KLF8: variants seen among roughly 807,000 people sequenced by gnomAD.
KLF8 encodes Krueppel-like factor 8.
KLF8 carries 10 observed loss-of-function variants against 18.2 expected under a neutral mutation model. The observed-to-expected ratio is 0.55, with a 90% confidence interval of 0.34 to 0.93. The LOEUF (loss-of-function observed/expected upper bound fraction) is 0.93, where lower values mean the gene tolerates loss of function less well. KLF8 is among the 40% of genes least tolerant of loss of function. The pLI is 0.02. For missense variants in KLF8, 264 were observed against 277.9 expected (o/e 0.95, Z 0.36); for synonymous variants, 109 against 97.3 (o/e 1.12, Z -0.71).
the KLF8 span, among the ~76,000 whole-genome samples, chrX:56,077,127 C>G: frequency 1.9e-4 from 21 of 111,845 alleles, no homozygotes; most frequent in East Asian, 5.6e-3. Flanking sequence ...TTTGGCTGTG[C>G]AGAAGCTATT....
chrX:56,022,572 GA>G, the KLF8 span, among the ~76,000 whole-genome samples: 100 of 82,253 alleles, frequency 1.2e-3, 1 homozygote, highest in African/African-American at 5.6e-3. Context: ...AAAAAAAGAA[GA>G]AAAAAAAAAG....
chrX:56,265,105 T>C (rs936172679), intron 2 of KLF8, 75 bp from the exon 3 acceptor site: 1 of 1,072,814 alleles, frequency 9.3e-7, no homozygotes, highest in Non-Finnish European at 1.2e-6. Flanking sequence ...AGAGATTTCT[T>C]TTTTACATTG....
At chrX:56,083,324 T>A in the KLF8 span, among the ~76,000 whole-genome samples, 1 of 112,344 alleles carries the variant, frequency 8.9e-6, no homozygotes, top group Non-Finnish European at 1.9e-5. Flanking sequence ...CATTAACATG[T>A]ATCTCATAAA....
chrX:56,160,717 C>T, the KLF8 span, among the ~76,000 whole-genome samples: 1 of 111,055 alleles, frequency 9.0e-6, no homozygotes, highest in Non-Finnish European at 1.9e-5. Flanking sequence ...GCAACCCCTG[C>T]CTTTTTTTGT....
At chrX:56,070,474 A>G in the KLF8 span, among the ~76,000 whole-genome samples, 1 of 110,573 alleles carries the variant, frequency 9.0e-6, no homozygotes, top group African/African-American at 3.3e-5. Flanking sequence ...ATGAAATACT[A>G]TTCAGCCATC....
intron 2 of KLF8, among the ~76,000 whole-genome samples, chrX:56,253,413 C>T (rs2066740948): frequency 8.9e-6 from 1 of 112,010 alleles, no homozygotes; most frequent in Non-Finnish European, 1.9e-5. Context: ...GTTCTGGTTT[C>T]ATTTTTCTGC....
chrX:55,930,599 G>A, the KLF8 span, among the ~76,000 whole-genome samples: 1 of 112,068 alleles, frequency 8.9e-6, no homozygotes, highest in Non-Finnish European at 1.9e-5. Context: ...ATGAAGGGCT[G>A]TTGCATTTTA....
At chrX:56,004,739 A>G in the KLF8 span, among the ~76,000 whole-genome samples, 3 of 111,875 alleles carry the variant, frequency 2.7e-5, no homozygotes, top group East Asian at 2.8e-4. Flanking sequence ...TGAAATACAT[A>G]TAAACTAGGC....
At chrX:56,005,147 A>G in the KLF8 span, among the ~76,000 whole-genome samples, 3 of 109,817 alleles carry the variant, frequency 2.7e-5, no homozygotes, top group Non-Finnish European at 5.7e-5. Flanking sequence ...GGTTCAAGCA[A>G]TTCTCCTGCC....
At chrX:56,163,100 G>T in the KLF8 span, among the ~76,000 whole-genome samples, 8 of 111,781 alleles carry the variant, frequency 7.2e-5, no homozygotes, top group Admixed American at 1.9e-4. Context: ...ATTTCTTCAG[G>T]TATGTGCCCA....
chrX:56,173,660 A>T, the KLF8 span, among the ~76,000 whole-genome samples: 430 of 111,715 alleles, frequency 3.8e-3, no homozygotes, highest in African/African-American at 0.013. Flanking sequence ...CTTGATGGGG[A>T]TAGCATTGAA....
At chrX:56,123,263 A>G in the KLF8 span, among the ~76,000 whole-genome samples, 1 of 71,021 alleles carries the variant, frequency 1.4e-5, no homozygotes, top group Admixed American at 1.5e-4. Context: ...AAAAGAAAGA[A>G]AGAAAGAAAA....
chrX:55,923,525 C>T, the KLF8 span, among the ~76,000 whole-genome samples: 1 of 111,381 alleles, frequency 9.0e-6, no homozygotes, highest in East Asian at 2.8e-4. Flanking sequence ...AAAAAACTAA[C>T]TAAAGGAAAC....
At chrX:56,156,465 C>T in the KLF8 span, among the ~76,000 whole-genome samples, 1 of 110,678 alleles carries the variant, frequency 9.0e-6, no homozygotes, top group Admixed American at 9.7e-5. Flanking sequence ...TTAGCTCCCA[C>T]TTATAAGTGA....
the KLF8 span, among the ~76,000 whole-genome samples, chrX:56,148,523 T>C: frequency 8.9e-6 from 1 of 111,785 alleles, no homozygotes; most frequent in Non-Finnish European, 1.9e-5. Flanking sequence ...AACATGATAA[T>C]GGCTCTGTGG....
chrX:55,983,246 CAT>C, the KLF8 span, among the ~76,000 whole-genome samples: 2 of 110,905 alleles, frequency 1.8e-5, no homozygotes, highest in African/African-American at 3.3e-5. Flanking sequence ...GTGATGGAAT[CAT>C]GTGTATGCAT....
At chrX:55,980,348 C>G in the KLF8 span, among the ~76,000 whole-genome samples, 3 of 111,739 alleles carry the variant, frequency 2.7e-5, no homozygotes, top group Non-Finnish European at 5.6e-5. Context: ...CGCTGAGCTT[C>G]AGGTAATTAA....
the KLF8 span, among the ~76,000 whole-genome samples, chrX:55,972,420 G>A: frequency 1.4e-5 from 1 of 70,787 alleles, no homozygotes; most frequent in Non-Finnish European, 2.9e-5. Context: ...GGGGTGTGAG[G>A]ATGTTTCATG....
At chrX:55,961,162 C>T in the KLF8 span, 1,193 of 211,094 alleles carry the variant, frequency 5.7e-3, 13 homozygotes, top group African/African-American at 0.033. Flanking sequence ...GCCCACTCTC[C>T]CTCCACTCTG....
Sources: gnomAD v4.1 joint callset for allele counts (sites outside exome capture counted in the v4.1 genomes callset) on GRCh38, gnomAD v4.1.1 for gene constraint, MANE v1.5 for transcripts, NCBI Gene and HGNC (gene_info 2026-07-23, HGNC 2026-07-21) for gene names.